TNR: variants seen among roughly 807,000 people sequenced by gnomAD.
TNR encodes the protein tenascin R, also known as tenascin-R.
TNR carries 45 observed loss-of-function variants against 150.4 expected under a neutral mutation model. The ratio of observed to expected loss-of-function variants is 0.30; its 90% CI spans 0.24 to 0.38. The LOEUF (loss-of-function observed/expected upper bound fraction) is 0.38. TNR is among the 10% of genes least tolerant of loss of function. The pLI, the probability that TNR is intolerant of heterozygous loss-of-function variation, is 1.00. For missense variants in TNR, 1,544 were observed against 1,759.1 expected (o/e 0.88, Z 2.19); for synonymous variants, 687 against 678.4 (o/e 1.01, Z -0.20).
At chr1:175,349,704 G>A (rs1195895945) in intron 18 of TNR, among the ~76,000 whole-genome samples, 1 of 152,104 alleles carries the variant, frequency 6.6e-6, no homozygotes, top group Non-Finnish European at 1.5e-5. Context: ...TGACATGGGT[G>A]GTATGTGAAA....
rs115812769 is a variant in TNR, at chr1:175,370,945, G to A, written c.1964-3648C>T. On this transcript the variant is annotated intron_variant, in intron 9 of 22. Transcript: ENST00000367674. Reference sequence around the variant, plus strand: ...CTCTTCCCAGGTTTTCTGTCTAGAGGATGGAAAAGTGGGACTTGCTTATAG... The same window carrying A: ...CTCTTCCCAGGTTTTCTGTCTAGAGAATGGAAAAGTGGGACTTGCTTATAG... Among the ~76,000 whole-genome samples, 949 of 152,262 alleles carry A rather than the reference G, an allele frequency of 6.2e-3. 4 individuals carry two copies. The highest frequency in any genetic ancestry group is 0.018 in the Admixed American group (273 of 15,294).
At chr1:175,487,250 C>T (rs569374278) in intron 2 of TNR, among the ~76,000 whole-genome samples, 1 of 152,306 alleles carries the variant, frequency 6.6e-6, no homozygotes, top group African/African-American at 2.4e-5. Flanking sequence ...CAATAGGGTG[C>T]AAGCTTCTGT....
chr1:175,734,541 G>T (rs949840076), intron 1 of TNR, among the ~76,000 whole-genome samples: 36 of 152,316 alleles, frequency 2.4e-4, no homozygotes, highest in Admixed American at 1.3e-4. Flanking sequence ...ACACTTAGAG[G>T]GTGGAGCTGG....
At chr1:175,408,690 G>A (rs1393772472) in intron 2 of TNR, among the ~76,000 whole-genome samples, 2 of 152,020 alleles carry the variant, frequency 1.3e-5, no homozygotes, top group Non-Finnish European at 2.9e-5. Flanking sequence ...AGATAATAAT[G>A]GTACTTATCT....
intron 2 of TNR, among the ~76,000 whole-genome samples, chr1:175,488,947 G>T (rs1375454100): frequency 6.6e-6 from 1 of 152,192 alleles, no homozygotes; most frequent in Non-Finnish European, 1.5e-5. Context: ...ACAAAGGCAT[G>T]TTCAGAATTT....
At chr1:175,663,699 C>G (rs1362215620) in intron 1 of TNR, among the ~76,000 whole-genome samples, 1 of 152,186 alleles carries the variant, frequency 6.6e-6, no homozygotes, top group East Asian at 1.9e-4. Flanking sequence ...AAGCCTGGCT[C>G]TCACCCTTTA....
chr1:175,634,055 C>G (rs565756398), intron 1 of TNR, among the ~76,000 whole-genome samples: 1 of 152,066 alleles, frequency 6.6e-6, no homozygotes, highest in Non-Finnish European at 1.5e-5. Flanking sequence ...AAGTCACTGT[C>G]AGATGAAATA....
At chr1:175,641,675 A>G (rs1487686079) in intron 1 of TNR, among the ~76,000 whole-genome samples, 5 of 152,234 alleles carry the variant, frequency 3.3e-5, no homozygotes, top group Non-Finnish European at 7.3e-5. Flanking sequence ...ACACTGGAAT[A>G]AAAAAGTACT....
rs149461569 is a variant in TNR, at chr1:175,375,292, T to C, written c.1963+4260A>G. Among the ~76,000 whole-genome samples the C allele has an allele frequency of 1.1e-3, 166 of 152,060 alleles. 1 individual carries two copies. Among genetic ancestry groups the C allele is most frequent in the African/African-American group, 3.3e-3 (136 of 41,460 alleles). On this transcript the variant is annotated intron_variant, in intron 9 of 22. Transcript: ENST00000367674. ...ACACTCAAGGACCCCTTTGGGACTA[T>C]AGGTATGGTGCACAGGCCAAACAGA...
intron 14 of TNR, 108 bp downstream of exon 14, chr1:175,362,555 C>T: frequency 7.2e-7 from 1 of 1,386,428 alleles, no homozygotes; most frequent in Non-Finnish European, 9.9e-7. Flanking sequence ...GTTGGAGGAG[C>T]ACCCCGAAAT....
chr1:175,610,726 C>T (rs1417039576), intron 1 of TNR, among the ~76,000 whole-genome samples: 1 of 152,198 alleles, frequency 6.6e-6, no homozygotes, highest in Non-Finnish European at 1.5e-5. Context: ...GCAATAGCTC[C>T]TTTTATCCCT....
At chr1:175,348,943 A>G (rs999563613) in intron 18 of TNR, among the ~76,000 whole-genome samples, 1 of 152,244 alleles carries the variant, frequency 6.6e-6, no homozygotes, top group East Asian at 1.9e-4. Flanking sequence ...TGAGCAGGAA[A>G]TTTAGAGGAA....
chr1:175,671,433 C>A (rs1665693039), intron 1 of TNR, among the ~76,000 whole-genome samples: 1 of 152,210 alleles, frequency 6.6e-6, no homozygotes, highest in Non-Finnish European at 1.5e-5. Context: ...TGCCCTGACC[C>A]TTTCTGGGTT....
At chr1:175,527,616 C>T (rs1167134669) in intron 2 of TNR, among the ~76,000 whole-genome samples, 1 of 152,160 alleles carries the variant, frequency 6.6e-6, no homozygotes, top group Admixed American at 6.5e-5. Context: ...GTTTGAGTGC[C>T]ATGGAAAGTT....
chr1:175,453,733 G>A (rs1656430278), intron 2 of TNR, among the ~76,000 whole-genome samples: 1 of 151,938 alleles, frequency 6.6e-6, no homozygotes, highest in South Asian at 2.1e-4. Flanking sequence ...CACCACACCT[G>A]GCTAATTAAA....
rs796559266 is a variant in TNR, at chr1:175,725,427, AG to A, written c.-165+17798del. 1.4e-4 allele frequency among the ~76,000 whole-genome samples: 22 copies of A among 152,228 alleles called. 1 individual carries two copies. The highest frequency in any genetic ancestry group is 5.3e-4 in the African/African-American group (22 of 41,502). On this transcript the variant is annotated intron_variant, in intron 1 of 22. Coordinates refer to ENST00000367674, the MANE Select transcript of TNR (RefSeq NM_003285.3). ...CAGCATTGTCAAAAATGGCAACATC[AG>A]GGGTCTCAACAGATACGACTTCCAC...
intron 1 of TNR, among the ~76,000 whole-genome samples, chr1:175,589,200 C>T (rs1298379310): frequency 6.6e-6 from 1 of 152,136 alleles, no homozygotes; most frequent in Non-Finnish European, 1.5e-5. Context: ...CAAATCTTGA[C>T]CCCATCATAT....
intron 1 of TNR, among the ~76,000 whole-genome samples, chr1:175,668,168 C>T (rs551445964): frequency 6.6e-6 from 1 of 152,258 alleles, no homozygotes; most frequent in African/African-American, 2.4e-5. Context: ...GAAATGGGAC[C>T]TGGGGGCATC....
chr1:175,632,041 C>T (rs1664344865), intron 1 of TNR, among the ~76,000 whole-genome samples: 3 of 152,104 alleles, frequency 2.0e-5, no homozygotes, highest in Admixed American at 2.0e-4. Flanking sequence ...AAGTAAATAC[C>T]ATCAAAGTGC....
Sources: allele counts gnomAD v4.1 joint callset (sites outside exome capture counted in the v4.1 genomes callset), GRCh38; gene constraint gnomAD v4.1.1; transcripts MANE v1.5; gene names NCBI Gene and HGNC (gene_info 2026-07-23, HGNC 2026-07-21).